The following SOX5 variants were observed in gnomAD, a reference collection of about 807,000 sequenced individuals.
SOX5 encodes SRY-box transcription factor 5, also known as transcription factor SOX-5.
Under a neutral mutation model 92.0 loss-of-function variants are expected in SOX5, and 9 were observed. The observed-to-expected ratio is 0.10, with a 90% CI of 0.06 to 0.17. SOX5 has a LOEUF of 0.17. SOX5 is among the 10% of genes least tolerant of loss of function. The probability of loss-of-function intolerance (pLI) is 1.00; values close to 1 mark genes in which losing one functional copy is unlikely to be tolerated. For synonymous variants in SOX5, 344 were observed against 336.3 expected (o/e 1.02, Z -0.25); for missense variants, 642 against 944.5 (o/e 0.68, Z 4.20).
chr12:24,021,483 A>G (rs1954280452), intron 4 of SOX5, among the ~76,000 whole-genome samples: 1 of 152,160 alleles, frequency 6.6e-6, no homozygotes, highest in African/African-American at 2.4e-5. Context: ...CCTTGTCCAC[A>G]CCAACGAGCT....
At chr12:24,226,858 G>C (rs1313467777) in intron 3 of SOX5, among the ~76,000 whole-genome samples, 2 of 108,324 alleles carry the variant, frequency 1.8e-5, no homozygotes, top group Non-Finnish European at 4.0e-5. Context: ...GTGATTGAAT[G>C]AATGAATGAA....
chr12:23,662,670 T>C (rs2083219468), intron 7 of SOX5, among the ~76,000 whole-genome samples: 2 of 152,200 alleles, frequency 1.3e-5, no homozygotes, highest in African/African-American at 2.4e-5. Flanking sequence ...CAATTTACAA[T>C]GATTAGGTTC....
intron 9 of SOX5, among the ~76,000 whole-genome samples, chr12:23,594,531 T>C (rs1341753064): frequency 6.6e-6 from 1 of 152,106 alleles, no homozygotes; most frequent in African/African-American, 2.4e-5. Flanking sequence ...AATTAATTAA[T>C]TAATTGGCAC....
chr12:24,374,362 G>A (rs1957033268), intron 1 of SOX5, among the ~76,000 whole-genome samples: 3 of 152,118 alleles, frequency 2.0e-5, no homozygotes, highest in Admixed American at 2.0e-4. Context: ...TGGTGAGAGA[G>A]AAATAAAAAG....
chr12:24,002,258 C>G (rs899735065), intron 4 of SOX5, among the ~76,000 whole-genome samples: 1 of 151,556 alleles, frequency 6.6e-6, no homozygotes. Flanking sequence ...GAGAAAAAAT[C>G]AATGAAACGT....
chr12:23,755,562 C>CT, intron 4 of SOX5, 76 bp downstream of exon 4: 1 of 1,065,036 alleles, frequency 9.4e-7, no homozygotes, highest in South Asian at 1.4e-5. Context: ...GGCAGAAATA[C>CT]TTTATCACCA....
rs148027307 is a variant in SOX5 at position 24,146,904 on chromosome 12, G to T, written c.-2+66439C>A. ...CACAAAATGAACATATTCATTAAAA[G>T]ATACAAACTATCAATGCTCAATTAA... is the stretch of plus-strand genomic sequence containing the variant. On this transcript the variant is annotated intron_variant, in intron 4 of 4. Transcript: ENST00000446891. 6.4e-3 allele frequency among the ~76,000 whole-genome samples: 967 copies of T among 152,112 alleles called. 4 individuals carry two copies. The highest frequency in any genetic ancestry group is 8.3e-3 in the Non-Finnish European group (567 of 67,954).
chr12:24,454,482 A>G (rs1942758777), intron 1 of SOX5, among the ~76,000 whole-genome samples: 1 of 152,176 alleles, frequency 6.6e-6, no homozygotes, highest in African/African-American at 2.4e-5. Flanking sequence ...TCACAGATAC[A>G]AACATGTGGC....
At chr12:24,318,864 C>G (rs553806608) in intron 2 of SOX5, among the ~76,000 whole-genome samples, 1 of 152,174 alleles carries the variant, frequency 6.6e-6, no homozygotes, top group African/African-American at 2.4e-5. Context: ...TCATTTGCTT[C>G]CATTGATCAT....
chr12:23,595,897 T>A (rs962980337), intron 9 of SOX5, among the ~76,000 whole-genome samples: 53 of 152,300 alleles, frequency 3.5e-4, no homozygotes, highest in African/African-American at 1.3e-3. Flanking sequence ...AACACAACTG[T>A]ACTTGTACTC....
In SOX5 at chr12:24,418,085, G is replaced by GT. The variant is rs147857851; in HGVS notation, c.-250-49447dup. Among the ~76,000 whole-genome samples the GT allele has an allele frequency of 8.7e-4, 129 of 148,044 alleles. 1 individual carries two copies. Among genetic ancestry groups the GT allele is most frequent in the Middle Eastern group, 3.5e-3 (1 of 286 alleles). Reference sequence around the variant, plus strand: ...TTTGGATGCTTTATATCATATTGCCGTTTTTTTTTTCTTTCCTTTTTCTTA... The same window carrying GT: ...TTTGGATGCTTTATATCATATTGCCGTTTTTTTTTTTCTTTCCTTTTTCTTA... On this transcript the variant is annotated intron_variant, in intron 1 of 4. Coordinates refer to the SOX5 transcript ENST00000446891.
At chr12:23,805,423 G>A (rs1016698113) in intron 3 of SOX5, among the ~76,000 whole-genome samples, 5 of 151,496 alleles carry the variant, frequency 3.3e-5, no homozygotes, top group African/African-American at 9.7e-5. Flanking sequence ...CATGTAAAGC[G>A]CAATGCCTGA....
intron 4 of SOX5, among the ~76,000 whole-genome samples, chr12:24,151,694 T>C (rs995985867): frequency 6.6e-6 from 1 of 152,028 alleles, no homozygotes; most frequent in African/African-American, 2.4e-5. Flanking sequence ...AACAGCAAAA[T>C]GAACACAATA....
chr12:24,436,931 G>C (rs1939553831), intron 1 of SOX5, among the ~76,000 whole-genome samples: 1 of 152,172 alleles, frequency 6.6e-6, no homozygotes, highest in Admixed American at 6.5e-5. Flanking sequence ...AGCAGTAAAA[G>C]TGAAACAACA....
intron 6 of SOX5, among the ~76,000 whole-genome samples, chr12:23,711,910 T>A (rs896359899): frequency 8.5e-5 from 13 of 152,216 alleles, no homozygotes; most frequent in Non-Finnish European, 1.8e-4. Context: ...GTACCCTCTT[T>A]TAGCTGGGCA....
At chr12:24,185,804 A>T (rs570888523) in intron 4 of SOX5, among the ~76,000 whole-genome samples, 1 of 152,296 alleles carries the variant, frequency 6.6e-6, no homozygotes, top group East Asian at 1.9e-4. Context: ...CATGATTAAT[A>T]TTATTTGTTT....
chr12:24,439,778 C>G (rs898817429), intron 1 of SOX5, among the ~76,000 whole-genome samples: 2 of 151,908 alleles, frequency 1.3e-5, no homozygotes, highest in Non-Finnish European at 2.9e-5. Flanking sequence ...GCCTGTAGTC[C>G]CAGCTACTCA....
At chr12:24,284,054 G>A (rs759915537) in intron 2 of SOX5, among the ~76,000 whole-genome samples, 14 of 152,228 alleles carry the variant, frequency 9.2e-5, no homozygotes, top group Non-Finnish European at 1.8e-4. Flanking sequence ...GGCTCACCAT[G>A]GGTTTCACAG....
chr12:23,779,812 TATACACAC>T (rs1224605582), intron 3 of SOX5, among the ~76,000 whole-genome samples: 1 of 74,626 alleles, frequency 1.3e-5, no homozygotes, highest in Non-Finnish European at 2.6e-5. Flanking sequence ...TATATATATA[TATACACAC>T]ACACACACAC....
Sources: gnomAD v4.1 joint callset for allele counts (sites outside exome capture counted in the v4.1 genomes callset) on GRCh38, gnomAD v4.1.1 for gene constraint, MANE v1.5 for transcripts, NCBI Gene and HGNC (gene_info 2026-07-23, HGNC 2026-07-21) for gene names.